LYPD6: variants seen among roughly 807,000 people sequenced by gnomAD.
LYPD6 encodes LY6/PLAUR domain containing 6, also known as ly6/PLAUR domain-containing protein 6.
A neutral mutation model predicts 22.7 loss-of-function variants in LYPD6; 15 were observed. That is an observed-to-expected ratio of 0.66 (90% CI 0.44 to 1.02). The LOEUF is 1.02. Among genes scored for constraint, LYPD6 ranks in the 50% least tolerant of loss-of-function variants. The pLI, the probability that LYPD6 is intolerant of heterozygous loss-of-function variation, is 0.00. For missense variants in LYPD6, 189 were observed against 208.4 expected (o/e 0.91, Z 0.57); for synonymous variants, 72 against 77.5 (o/e 0.93, Z 0.37).
intron 1 of LYPD6, among the ~76,000 whole-genome samples, chr2:149,403,808 C>A (rs868159151): frequency 2.7e-4 from 41 of 149,792 alleles, no homozygotes; most frequent in South Asian, 1.1e-3. Context: ...GTCCTTGCCC[C>A]TGCCTATGTC....
rs541374051 is a variant in LYPD6, at chr2:149,334,754, C to T, written c.-72+4032C>T. Reference sequence around the variant, plus strand: ...AGTAAACACAGATTACAGCAAGTAACGATTTTTTTTTTTTTTTTCTGAAGA... The same window carrying T: ...AGTAAACACAGATTACAGCAAGTAATGATTTTTTTTTTTTTTTTCTGAAGA... On this transcript the variant is annotated intron_variant, in intron 1 of 4. Coordinates refer to ENST00000334166, the MANE Select transcript of LYPD6 (RefSeq NM_194317.5). Among the ~76,000 whole-genome samples, 38 of 142,838 alleles carry T rather than the reference C, an allele frequency of 2.7e-4. No individual in the cohort carries two copies. In the East Asian group the frequency reaches 6.4e-3, roughly 24 times the overall value. The allele number at this position is 142,838 out of a possible 152,430, so 93.7% of individuals were successfully genotyped here.
chr2:149,388,180 C>CTTT (rs907698162), intron 1 of LYPD6, among the ~76,000 whole-genome samples: 18 of 43,000 alleles, frequency 4.2e-4, no homozygotes, highest in African/African-American at 6.8e-4. Flanking sequence ...CTCTCTCTCT[C>CTTT]TTTTTTTTTT....
intron 4 of LYPD6, among the ~76,000 whole-genome samples, chr2:149,468,977 AT>A (rs1471857757): frequency 6.6e-6 from 1 of 152,256 alleles, no homozygotes; most frequent in Non-Finnish European, 1.5e-5. Context: ...ACTGATATAA[AT>A]TGTGTAAACA....
chr2:149,422,708 C>T (rs1683106791), intron 1 of LYPD6, among the ~76,000 whole-genome samples: 1 of 152,074 alleles, frequency 6.6e-6, no homozygotes, highest in African/African-American at 2.4e-5. Context: ...GAACTTATTC[C>T]TCTTATCTCA....
chr2:149,364,834 A>G (rs1681630992), intron 1 of LYPD6, among the ~76,000 whole-genome samples: 1 of 152,170 alleles, frequency 6.6e-6, no homozygotes, highest in Admixed American at 6.5e-5. Context: ...TCTCACGGCA[A>G]CTTTGTCATT....
intron 1 of LYPD6, among the ~76,000 whole-genome samples, chr2:149,362,701 A>C (rs1681594323): frequency 6.6e-6 from 1 of 152,120 alleles, no homozygotes; most frequent in Non-Finnish European, 1.5e-5. Flanking sequence ...GAGAGTGCAT[A>C]TGAGAGGGTG....
intron 2 of LYPD6, among the ~76,000 whole-genome samples, chr2:149,443,948 T>C (rs1683624506): frequency 6.6e-6 from 1 of 151,062 alleles, no homozygotes; most frequent in South Asian, 2.1e-4. Flanking sequence ...TTTTTTTTTT[T>C]TTTGAGGCAG....
chr2:149,430,533 CTG>C (rs892202665), intron 1 of LYPD6, among the ~76,000 whole-genome samples: 4 of 152,146 alleles, frequency 2.6e-5, no homozygotes, highest in African/African-American at 9.7e-5. Flanking sequence ...CTTTTGGAAA[CTG>C]TATTAACTTT....
chr2:149,342,032 A>G (rs931969387), intron 1 of LYPD6, among the ~76,000 whole-genome samples: 1 of 152,176 alleles, frequency 6.6e-6, no homozygotes, highest in Admixed American at 6.5e-5. Context: ...AATGAATACC[A>G]CAAGCTATAC....
the LYPD6 span, among the ~76,000 whole-genome samples, chr2:149,480,209 C>T: frequency 1.3e-5 from 2 of 152,028 alleles, no homozygotes; most frequent in Admixed American, 1.3e-4. Context: ...AGGGTTTCAC[C>T]ATGTTAGTCA....
chr2:149,460,383 G>A (rs571834619), intron 3 of LYPD6, among the ~76,000 whole-genome samples: 3 of 152,088 alleles, frequency 2.0e-5, no homozygotes, highest in Non-Finnish European at 4.4e-5. Context: ...ATTACCAGAG[G>A]CAGAGAGGAA....
chr2:149,331,185 G>A (rs1293077425), intron 1 of LYPD6, among the ~76,000 whole-genome samples: 2 of 152,118 alleles, frequency 1.3e-5, no homozygotes, highest in Admixed American at 1.3e-4. Context: ...GCCACCCGGA[G>A]CCTCTAAGGG....
intron 1 of LYPD6, among the ~76,000 whole-genome samples, chr2:149,359,171 A>G (rs898390966): frequency 1.3e-5 from 2 of 152,206 alleles, no homozygotes; most frequent in East Asian, 3.8e-4. Flanking sequence ...TTAACATTAT[A>G]TATGTCTGTC....
rs1206149279 is a variant in LYPD6, at chr2:149,472,594, G to C, written c.*1744G>C. ...ATGGCCTTAATTCAGAGTTTGTTAG[G>C]CTTATCAGTATGTTGCTTTTAATTG... On this transcript the variant is annotated 3_prime_UTR_variant, in exon 5 of 5. Transcript: ENST00000334166. 6.6e-6 allele frequency: 1 copy of C among 152,600 alleles called. No individual in the cohort carries two copies. Among genetic ancestry groups the C allele is most frequent in the Non-Finnish European group, 1.5e-5 (1 of 68,034 alleles). 9.5% of individuals were successfully genotyped at this position (152,600 alleles called of 1,614,324 possible).
intron 1 of LYPD6, among the ~76,000 whole-genome samples, chr2:149,343,037 A>G (rs1681191012): frequency 6.6e-6 from 1 of 152,228 alleles, no homozygotes; most frequent in Non-Finnish European, 1.5e-5. Flanking sequence ...CTTTCTTCTC[A>G]GTTGGGAACT....
At chr2:149,436,640 C>T (rs1383689646) in intron 1 of LYPD6, among the ~76,000 whole-genome samples, 1 of 152,106 alleles carries the variant, frequency 6.6e-6, no homozygotes, top group Non-Finnish European at 1.5e-5. Context: ...AGTGCAATGG[C>T]ACAAAGTCAG....
chr2:149,351,761 G>A (rs887393298), intron 1 of LYPD6, among the ~76,000 whole-genome samples: 2 of 152,168 alleles, frequency 1.3e-5, no homozygotes, highest in African/African-American at 4.8e-5. Flanking sequence ...GCCAAGGAAG[G>A]GCTGAGTGTG....
chr2:149,393,600 GT>G (rs531352851), intron 1 of LYPD6, among the ~76,000 whole-genome samples: 1 of 152,190 alleles, frequency 6.6e-6, no homozygotes, highest in Non-Finnish European at 1.5e-5. Flanking sequence ...GCCAAGCGTG[GT>G]CCTCCTGGCC....
intron 1 of LYPD6, among the ~76,000 whole-genome samples, chr2:149,381,616 A>T (rs75834933): frequency 0.042 from 6,361 of 152,242 alleles, 444 homozygotes; most frequent in African/African-American, 0.14. Flanking sequence ...GGAAGATAGA[A>T]CATTGTCATC....
Sources: gnomAD v4.1 joint callset for allele counts (sites outside exome capture counted in the v4.1 genomes callset) on GRCh38, gnomAD v4.1.1 for gene constraint, MANE v1.5 for transcripts, NCBI Gene and HGNC (gene_info 2026-07-23, HGNC 2026-07-21) for gene names.